DAB1: variants seen among roughly 807,000 people sequenced by gnomAD.
DAB1 encodes the protein disabled homolog 1.
In DAB1, 15 loss-of-function variants were observed where a neutral mutation model predicts 64.6. The observed-to-expected ratio is 0.23, with a 90% CI of 0.16 to 0.36. The LOEUF (loss-of-function observed/expected upper bound fraction) is 0.36. DAB1 is among the 10% of genes least tolerant of loss of function. DAB1 has a pLI of 1.00. For missense variants in DAB1, 596 were observed against 706.7 expected (o/e 0.84, Z 1.78); for synonymous variants, 235 against 251.9 (o/e 0.93, Z 0.64).
At chr1:58,207,428 AAAGCAATGTGCTCAGC>A (rs1490291664) in intron 4 of DAB1, among the ~76,000 whole-genome samples, 4 of 152,204 alleles carry the variant, frequency 2.6e-5, no homozygotes, top group Admixed American at 1.3e-4. Flanking sequence ...TGCTGCTTAG[AAAGCAATGTGCTCAGC>A]AAGCAATGTG....
At chr1:57,502,081 G>A (rs2793645) in intron 7 of DAB1, among the ~76,000 whole-genome samples, 11,839 of 152,068 alleles carry the variant, frequency 0.078, 1,441 homozygotes, top group African/African-American at 0.26. Context: ...AGCACTTTGG[G>A]AGGCCGAGGC....
chr1:57,153,929 A>G (rs1416390674), intron 2 of DAB1, among the ~76,000 whole-genome samples: 1 of 151,952 alleles, frequency 6.6e-6, no homozygotes, highest in Admixed American at 6.6e-5. Flanking sequence ...ATGAGCCACC[A>G]CCCCTGGCCG....
intron 6 of DAB1, among the ~76,000 whole-genome samples, chr1:57,767,066 G>A (rs1432428146): frequency 2.0e-5 from 3 of 152,102 alleles, no homozygotes; most frequent in Admixed American, 2.0e-4. Context: ...ACTAACCTGG[G>A]AACTCTTTGA....
chr1:57,027,997 T>C (rs889775868), intron 9 of DAB1, among the ~76,000 whole-genome samples: 5 of 152,152 alleles, frequency 3.3e-5, no homozygotes, highest in African/African-American at 1.2e-4. Flanking sequence ...GGTTATCCAA[T>C]CTGTAGATGC....
upstream of DAB1, among the ~76,000 whole-genome samples, chr1:57,886,279 C>A (rs927551514): frequency 1.3e-5 from 2 of 152,082 alleles, no homozygotes; most frequent in Non-Finnish European, 2.9e-5. Flanking sequence ...CTGCCTCAGC[C>A]TCTGGAGTAC....
chr1:57,553,922 T>C (rs1018544282), intron 7 of DAB1, among the ~76,000 whole-genome samples: 8 of 151,674 alleles, frequency 5.3e-5, no homozygotes, highest in African/African-American at 1.9e-4. Flanking sequence ...GGGGGCAATG[T>C]TAGGAATCTC....
chr1:57,290,966 T>A lies in DAB1; in HGVS notation c.65A>T (p.Lys22Ile), dbSNP rs760458971. 1 of 1,610,638 alleles carries A rather than the reference T, an allele frequency of 6.2e-7. No individual in the cohort carries two copies. Among genetic ancestry groups the A allele is most frequent in the Non-Finnish European group, 8.5e-7 (1 of 1,178,138 alleles). Residue 22 changes from lysine (K) to isoleucine (I), a missense_variant and splice_region_variant, in exon 2 of 15, where the codon AAA becomes ATA. Physicochemically the swap from Lys to Ile is moderately radical, Grantham distance 102. Coordinates refer to ENST00000371236, the MANE Select transcript of DAB1 (RefSeq NM_001365792.1). ...KTSAKKDSRKKGQDRSEATLI... is the reference protein window; with the variant it reads ...KTSAKKDSRKIGQDRSEATLI... ...AAAAAGGTCAAATTCAGCCCTACCT[T>A]TCTTTCTGGAGTCTTTCTTGGCGCT...
At chr1:58,516,302 G>A (rs576158723) in intron 2 of DAB1, among the ~76,000 whole-genome samples, 6 of 152,268 alleles carry the variant, frequency 3.9e-5, no homozygotes, top group African/African-American at 1.2e-4. Flanking sequence ...AATTAAAACT[G>A]ATAGTTTAGT....
intron 1 of DAB1, among the ~76,000 whole-genome samples, chr1:57,418,842 G>A (rs1258807234): frequency 6.6e-6 from 1 of 152,114 alleles, no homozygotes; most frequent in Non-Finnish European, 1.5e-5. Flanking sequence ...GGAGTTTTAT[G>A]ATTCCTCAAC....
Position 57,637,780 on chromosome 1 carries a change from G to A in DAB1, n.625+11812C>T, listed in dbSNP as rs193223383. Among the ~76,000 whole-genome samples, 15 of 152,254 alleles carry A rather than the reference G, an allele frequency of 9.9e-5. No homozygotes were observed. The East Asian group carries it at 2.9e-3, about 29-fold the overall frequency. The stretch of plus-strand genomic sequence containing the variant: ...TAATAGGCATCAGAGACATCTTAAG[G>A]CAATAACAACAAAGGGTAGAATATC... On this transcript the variant is annotated intron_variant and non_coding_transcript_variant, in intron 7 of 20. Transcript: ENST00000485760.
At chr1:57,560,763 T>C (rs1250638021) in intron 7 of DAB1, among the ~76,000 whole-genome samples, 1 of 152,152 alleles carries the variant, frequency 6.6e-6, no homozygotes, top group Non-Finnish European at 1.5e-5. Flanking sequence ...ATAGGGATGC[T>C]GTTTGGAGCT....
chr1:58,369,917 A>G (rs980048028), intron 3 of DAB1, among the ~76,000 whole-genome samples: 27 of 152,252 alleles, frequency 1.8e-4, no homozygotes, highest in African/African-American at 9.6e-5. Context: ...GTCAAGTACC[A>G]TAAAAAATAT....
At chr1:57,852,181 G>A (rs531534625) in intron 1 of DAB1, among the ~76,000 whole-genome samples, 2 of 152,240 alleles carry the variant, frequency 1.3e-5, no homozygotes, top group South Asian at 2.1e-4. Flanking sequence ...CTTTTCCCCT[G>A]AAGATCCTCA....
chr1:57,534,414 C>T (rs1303295689), intron 7 of DAB1, among the ~76,000 whole-genome samples: 4 of 152,182 alleles, frequency 2.6e-5, no homozygotes, highest in Non-Finnish European at 5.9e-5. Flanking sequence ...TGCAGCTCTT[C>T]CTTCCAAGTG....
chr1:57,278,681 C>G (rs1427055520), intron 2 of DAB1, among the ~76,000 whole-genome samples: 1 of 152,124 alleles, frequency 6.6e-6, no homozygotes, highest in Non-Finnish European at 1.5e-5. Context: ...GAACTTCTTC[C>G]AGGCTGAGAG....
intron 5 of DAB1, among the ~76,000 whole-genome samples, chr1:57,991,005 C>G (rs1383407422): frequency 6.6e-6 from 1 of 152,164 alleles, no homozygotes; most frequent in Non-Finnish European, 1.5e-5. Flanking sequence ...GGAATAATGA[C>G]TGTGGCCAAG....
chr1:57,023,791 A>G (rs571020527), intron 10 of DAB1, 152 bp from the exon 11 acceptor site: 1 of 615,986 alleles, frequency 1.6e-6, no homozygotes, highest in East Asian at 2.8e-5. Flanking sequence ...GGTTACATAC[A>G]CTTTATCTAT....
At chr1:57,072,938 A>G (rs781706270) in intron 4 of DAB1, among the ~76,000 whole-genome samples, 2 of 152,162 alleles carry the variant, frequency 1.3e-5, no homozygotes, top group Non-Finnish European at 2.9e-5. Context: ...TGTTTTGCCC[A>G]AAGTCACCAC....
intron 5 of DAB1, among the ~76,000 whole-genome samples, chr1:57,913,182 G>A (rs1176637945): frequency 1.3e-5 from 2 of 152,046 alleles, no homozygotes; most frequent in Admixed American, 6.5e-5. Flanking sequence ...CATGCTACCT[G>A]ACTTCAAACT....
Sources: allele counts gnomAD v4.1 joint callset (sites outside exome capture counted in the v4.1 genomes callset), GRCh38; gene constraint gnomAD v4.1.1; transcripts MANE v1.5; gene names NCBI Gene and HGNC (gene_info 2026-07-23, HGNC 2026-07-21).